ABLIM3: variants seen among roughly 807,000 people sequenced by gnomAD.
ABLIM3 encodes the protein actin binding LIM protein family member 3.
Under a neutral mutation model 109.5 loss-of-function variants are expected in ABLIM3, and 61 were observed. The observed-to-expected ratio is 0.56, with a 90% CI of 0.45 to 0.69. ABLIM3 has a LOEUF of 0.69. ABLIM3 is among the 30% of genes least tolerant of loss of function. The probability of loss-of-function intolerance (pLI) is 0.00; values close to 1 mark genes in which losing one functional copy is unlikely to be tolerated. For synonymous variants in ABLIM3, 300 were observed against 324.8 expected (o/e 0.92, Z 0.82); for missense variants, 796 against 889.5 (o/e 0.89, Z 1.34).
At chr5:149,205,349 G>A (rs760096720) in intron 5 of ABLIM3, among the ~76,000 whole-genome samples, 6 of 152,126 alleles carry the variant, frequency 3.9e-5, no homozygotes, top group Non-Finnish European at 5.9e-5. Context: ...CCCACTTGTC[G>A]AGAATGCTGT....
chr5:149,243,162 C>T (rs1013411490), intron 15 of ABLIM3, among the ~76,000 whole-genome samples: 5 of 152,210 alleles, frequency 3.3e-5, no homozygotes, highest in African/African-American at 1.2e-4. Flanking sequence ...ACCTGAGAGA[C>T]ATTTAAAAGG....
chr5:149,244,944 G>C lies in ABLIM3; in HGVS notation c.1415G>C (p.Ser472Thr), dbSNP rs1183369922. Residue 472 changes from serine (S) to threonine (T), a missense_variant, in exon 16 of 24, where the codon AGT (serine) becomes ACT (threonine). Transcript: ENST00000309868. ...SEDISQTSKY[S>T]PIYSPDPYYA... is the part of the protein sequence containing the mutation. ...GACATCAGCCAGACCTCCAAGTACA[G>C]TCCCATCTACTCGCCAGACCCCTAC... 4 of 1,614,138 alleles carry C rather than the reference G, an allele frequency of 2.5e-6. No homozygotes were observed. The highest frequency in any genetic ancestry group is 3.4e-6 in the Non-Finnish European group (4 of 1,180,036).
chr5:149,171,671 T>G (rs904809216), intron 2 of ABLIM3, among the ~76,000 whole-genome samples: 5 of 152,206 alleles, frequency 3.3e-5, no homozygotes, highest in African/African-American at 1.2e-4. Context: ...GTATGGAACA[T>G]AGGATGTGGA....
At position 149,247,770 on chromosome 5, in the gene ABLIM3, C is replaced by T. The variant is rs1214921240; in HGVS notation, c.1552-12C>T. The T allele has an allele frequency of 1.2e-6, 2 of 1,614,194 alleles. No individual in the cohort carries two copies. The highest frequency in any genetic ancestry group is 1.7e-5 in the Admixed American group (1 of 60,032). ...TCCTTCTAACTTTATCTTGCTCTTC[C>T]CCGACCCTCAGCTCCAAAGTGGAAT... On this transcript the variant is annotated splice_polypyrimidine_tract_variant and intron_variant, in intron 17 of 23. Coordinates refer to ENST00000309868, the MANE Select transcript of ABLIM3 (RefSeq NM_014945.5).
chr5:149,160,421 G>A lies in ABLIM3; in HGVS notation c.13+18313G>A, dbSNP rs535534694. Among the ~76,000 whole-genome samples the A allele has an allele frequency of 2.9e-4, 22 of 76,436 alleles. 1 individual carries two copies. In the East Asian group the frequency reaches 4.7e-3, roughly 16 times the overall value. The allele number at this position is 76,436 out of a possible 152,430, so 50.1% of individuals were successfully genotyped here. On this transcript the variant is annotated intron_variant, in intron 2 of 23. Transcript: ENST00000309868. Reference sequence around the variant, plus strand: ...TGCACTGAGCCAAGATTGCACATCTGCACTCTAGTCTGGGCGACAGAGTGA... The same window carrying A: ...TGCACTGAGCCAAGATTGCACATCTACACTCTAGTCTGGGCGACAGAGTGA...
At position 149,235,134 on chromosome 5, in the gene ABLIM3, C is replaced by T. The variant is rs114016839; in HGVS notation, c.888+1834C>T. The stretch of plus-strand genomic sequence containing the variant: ...GTCTCCCCTTCCAGCCTCTCCTGCT[C>T]TCACCGTTTATGGTGCCTCATGCTC... On this transcript the variant is annotated intron_variant, in intron 10 of 23. Transcript: ENST00000309868. 1.9e-3 allele frequency among the ~76,000 whole-genome samples: 291 copies of T among 152,300 alleles called. 2 individuals carry two copies. The highest frequency in any genetic ancestry group is 6.7e-3 in the African/African-American group (280 of 41,566).
intron 9 of ABLIM3, among the ~76,000 whole-genome samples, chr5:149,231,169 G>A (rs1761820958): frequency 6.6e-6 from 1 of 152,204 alleles, no homozygotes; most frequent in African/African-American, 2.4e-5. Context: ...TCTTTGCCTT[G>A]CCTGTGAGAA....
intron 8 of ABLIM3, among the ~76,000 whole-genome samples, chr5:149,224,330 C>T (rs193181523): frequency 3.0e-4 from 45 of 152,316 alleles, no homozygotes; most frequent in Non-Finnish European, 5.3e-4. Flanking sequence ...TTCCCCTTCT[C>T]ATCCTGCCCG....
At chr5:149,248,032 C>A in intron 18 of ABLIM3, 103 bp downstream of exon 18, 1 of 1,400,130 alleles carries the variant, frequency 7.1e-7, no homozygotes, top group Non-Finnish European at 9.6e-7. Flanking sequence ...TGAGGCACAG[C>A]CCATGCATCC....
At chr5:149,211,978 T>C (rs1581141706) in intron 7 of ABLIM3, among the ~76,000 whole-genome samples, 1 of 152,106 alleles carries the variant, frequency 6.6e-6, no homozygotes, top group Non-Finnish European at 1.5e-5. Context: ...TCACAATAGC[T>C]GACCCAGTCT....
intron 6 of ABLIM3, among the ~76,000 whole-genome samples, chr5:149,208,330 C>A (rs1218873639): frequency 1.3e-5 from 2 of 151,712 alleles, no homozygotes; most frequent in Non-Finnish European, 2.9e-5. Context: ...AAGTCTCTGT[C>A]TTTCTCTATC....
At chr5:149,195,392 T>C (rs1757864833) in intron 3 of ABLIM3, among the ~76,000 whole-genome samples, 2 of 152,220 alleles carry the variant, frequency 1.3e-5, no homozygotes, top group African/African-American at 4.8e-5. Flanking sequence ...CAGCCTCAGA[T>C]CCATCTGTCA....
intron 2 of ABLIM3, among the ~76,000 whole-genome samples, chr5:149,148,472 A>G (rs898302424): frequency 1.3e-5 from 2 of 152,140 alleles, no homozygotes; most frequent in African/African-American, 4.8e-5. Flanking sequence ...TGTAGGGTAG[A>G]TCCAACATCC....
chr5:149,227,003 G>A (rs867189411), intron 8 of ABLIM3, among the ~76,000 whole-genome samples: 3 of 149,704 alleles, frequency 2.0e-5, no homozygotes, highest in African/African-American at 7.4e-5. Flanking sequence ...CCAGGAGGCA[G>A]AGGTTGCAAT....
rs549316249 is a variant in ABLIM3 at position 149,247,850 on chromosome 5, T to A, written c.1620T>A (p.Asp540Glu). The A allele has an allele frequency of 1.1e-5, 18 of 1,614,222 alleles. No individual in the cohort carries two copies. The highest frequency in any genetic ancestry group is 2.2e-5 in the East Asian group (1 of 44,890). Residue 540 changes from aspartate to glutamate, a missense_variant, in exon 18 of 24, where the codon GAT becomes GAA. By Grantham distance (45) the Asp-to-Glu change is conservative (BLOSUM62 2). Transcript: ENST00000309868. ...AGGCCCGGTCGAGCTCCTATGCAGA[T>A]CCCTGGACCCCTCCCCGGAGCTCCA... ...EMKARSSSYA[D>E]PWTPPRSSTS...
intron 2 of ABLIM3, chr5:149,176,885 T>C (rs1240286036): frequency 1.3e-5 from 2 of 152,194 alleles, no homozygotes; most frequent in African/African-American, 4.8e-5. Flanking sequence ...TCTTATGAAC[T>C]CTTCCCACCT....
chr5:149,217,371 G>T, intron 8 of ABLIM3: 1 of 367,166 alleles, frequency 2.7e-6, no homozygotes, highest in Non-Finnish European at 5.1e-6. Context: ...AGGCCCAAGG[G>T]GTCAGAGAAC....
At chr5:149,219,390 A>G (rs981249455) in intron 8 of ABLIM3, 3 of 152,348 alleles carry the variant, frequency 2.0e-5, no homozygotes, top group East Asian at 1.9e-4. Context: ...CAAAGTGACC[A>G]TTTCTAAGAT....
chr5:149,184,316 A>G (rs982187899), intron 3 of ABLIM3, among the ~76,000 whole-genome samples: 7 of 152,208 alleles, frequency 4.6e-5, no homozygotes, highest in African/African-American at 1.7e-4. Context: ...CCTGCTCCAC[A>G]GAGCAGCCAT....
Sources: gnomAD v4.1 joint callset for allele counts (sites outside exome capture counted in the v4.1 genomes callset) on GRCh38, gnomAD v4.1.1 for gene constraint, MANE v1.5 for transcripts, NCBI Gene and HGNC (gene_info 2026-07-23, HGNC 2026-07-21) for gene names.